Variants in WDR1 observed in about 807,000 individuals in gnomAD.
WDR1 encodes the protein WD repeat-containing protein 1.
WDR1 carries 21 observed loss-of-function variants against 71.9 expected under a neutral mutation model. The observed-to-expected ratio is 0.29, with a 90% CI of 0.21 to 0.42. The LOEUF (loss-of-function observed/expected upper bound fraction) is 0.42, where lower values mean the gene tolerates loss of function less well. WDR1 is among the 10% of genes least tolerant of loss of function. The pLI is 1.00. For synonymous variants in WDR1, 424 were observed against 347.4 expected (o/e 1.22, Z -2.45); for missense variants, 696 against 824.5 (o/e 0.84, Z 1.91).
intron 1 of WDR1, 185 bp from the exon 2 acceptor site, chr4:10,116,419 T>G: frequency 5.7e-6 from 5 of 883,810 alleles, no homozygotes; most frequent in East Asian, 3.9e-5. Context: ...GCCAGGCCCT[T>G]GGGGGCAGCG....
rs1251377909 is a variant in WDR1 at position 10,075,467 on chromosome 4, G to T, written c.1732C>A (p.His578Asn). Residue 578 changes from histidine to asparagine, a missense_variant, in exon 15 of 15, where the codon CAT becomes AAT. His to Asn is a moderately conservative substitution (Grantham distance 68, BLOSUM62 1). Coordinates refer to ENST00000499869, the MANE Select transcript of WDR1 (RefSeq NM_017491.5). ...VKIQDAHRLH[H>N]VSSLAWLDEH... ...TCCAGCCAGGCCAGGCTGCTGACAT[G>T]GTGCAGCCGGTGTGCATCTGGGAAG... 2 of 1,613,948 alleles carry T rather than the reference G, an allele frequency of 1.2e-6. No individual in the cohort carries two copies. Among genetic ancestry groups the T allele is most frequent in the Non-Finnish European group, 1.7e-6 (2 of 1,179,866 alleles).
At chr4:10,115,419 T>TG (rs780611337) in intron 2 of WDR1, among the ~76,000 whole-genome samples, 1 of 152,260 alleles carries the variant, frequency 6.6e-6, no homozygotes, top group Non-Finnish European at 1.5e-5. Flanking sequence ...CACTGCTTCC[T>TG]GTTTTTGCTT....
chr4:10,108,924 C>T (rs1329158818), intron 2 of WDR1, among the ~76,000 whole-genome samples: 3 of 152,236 alleles, frequency 2.0e-5, no homozygotes, highest in African/African-American at 7.2e-5. Context: ...TTGTGCCCCA[C>T]CTGCCTTCTG....
chr4:10,080,897 T>C (rs1764989475), intron 11 of WDR1, among the ~76,000 whole-genome samples: 1 of 152,234 alleles, frequency 6.6e-6, no homozygotes, highest in African/African-American at 2.4e-5. Context: ...GAGACTTACA[T>C]GTACTTCCTC....
At chr4:10,112,319 C>T (rs1009320027) in intron 2 of WDR1, among the ~76,000 whole-genome samples, 9 of 152,264 alleles carry the variant, frequency 5.9e-5, no homozygotes, top group Admixed American at 2.0e-4. Flanking sequence ...CTTAGACCCC[C>T]GAAGCACAGA....
intron 8 of WDR1, among the ~76,000 whole-genome samples, chr4:10,086,339 G>A (rs763223843): frequency 1.3e-5 from 2 of 152,186 alleles, no homozygotes; most frequent in Admixed American, 6.5e-5. Flanking sequence ...TCGAGGCCAC[G>A]TCTAGTGAAC....
chr4:10,101,337 C>A lies in WDR1; in HGVS notation c.230-2198G>T, dbSNP rs148823923. ...TAAAGATCCTGCAGAGGGCTGGGGC[C>A]AGCTGCCAGGCAACCCACTTAGTGG... On this transcript the variant is annotated intron_variant, in intron 3 of 14. Transcript: ENST00000499869. Among the ~76,000 whole-genome samples, 88 of 152,370 alleles carry A rather than the reference C, an allele frequency of 5.8e-4. 2 individuals are homozygous for A. In the East Asian group the frequency reaches 0.016, roughly 28 times the overall value.
intron 3 of WDR1, among the ~76,000 whole-genome samples, chr4:10,099,934 G>A (rs1330835014): frequency 6.6e-6 from 1 of 152,164 alleles, no homozygotes; most frequent in Non-Finnish European, 1.5e-5. Context: ...AACACCGGGG[G>A]CCACGTACCC....
intron 2 of WDR1, among the ~76,000 whole-genome samples, chr4:10,107,687 G>C (rs1052241222): frequency 6.6e-6 from 1 of 152,210 alleles, no homozygotes; most frequent in African/African-American, 2.4e-5. Flanking sequence ...GCTGGGGCTG[G>C]GATAAGACCT....
intron 2 of WDR1, among the ~76,000 whole-genome samples, chr4:10,111,197 T>C (rs1035941521): frequency 6.6e-6 from 1 of 152,182 alleles, no homozygotes; most frequent in African/African-American, 2.4e-5. Context: ...TGCGCTATGG[T>C]AGGGCTGTGT....
At chr4:10,105,389 C>T (rs1282059127) in intron 2 of WDR1, among the ~76,000 whole-genome samples, 1 of 152,182 alleles carries the variant, frequency 6.6e-6, no homozygotes, top group East Asian at 1.9e-4. Flanking sequence ...CTTAACACAG[C>T]ATTATGTGAT....
At chr4:10,103,440 A>G (rs1229306778) in intron 3 of WDR1, among the ~76,000 whole-genome samples, 3 of 152,144 alleles carry the variant, frequency 2.0e-5, no homozygotes, top group African/African-American at 7.2e-5. Context: ...ACTACAAACT[A>G]GAAAGTGTCC....
chr4:10,108,810 C>T lies in WDR1; in HGVS notation c.139-4824G>A, dbSNP rs77500083. Among the ~76,000 whole-genome samples the T allele has an allele frequency of 2.0e-5, 3 of 152,330 alleles. No individual in the cohort carries two copies. In the East Asian group the frequency reaches 5.8e-4, roughly 29 times the overall value. ...AGGGCTTCTCCTCCAAGCAGCCTTC[C>T]CTGATGCTCCAAGCTAGAAATCATC... On this transcript the variant is annotated intron_variant, in intron 2 of 14. Transcript: ENST00000499869.
chr4:10,100,897 C>T (rs1712644456), intron 3 of WDR1, among the ~76,000 whole-genome samples: 2 of 152,248 alleles, frequency 1.3e-5, no homozygotes, highest in African/African-American at 4.8e-5. Flanking sequence ...CATGTCCACA[C>T]ATGCACATGT....
chr4:10,081,387 C>T lies in WDR1; in HGVS notation c.1254G>A (p.Gly418=), dbSNP rs371404313. ...VQPKCVAVGP[G]GYAVVVCIGQ... ...CAATGCACACGACCACGGCGTATCC[C>T]CCGGGGCCGACGGCTACGCACTTTG... Residue 418 remains glycine (G), a synonymous_variant, in exon 11 of 15, where the codon GGG becomes GGA. Coordinates refer to ENST00000499869, the MANE Select transcript of WDR1 (RefSeq NM_017491.5). The T allele has an allele frequency of 3.7e-6, 6 of 1,613,950 alleles. No homozygotes were observed. The highest frequency in any genetic ancestry group is 1.1e-5 in the South Asian group (1 of 91,078).
rs192893054 is a variant in WDR1, at chr4:10,106,778, T to A, written c.139-2792A>T. On this transcript the variant is annotated intron_variant, in intron 2 of 14. Coordinates refer to ENST00000499869, the MANE Select transcript of WDR1 (RefSeq NM_017491.5). ...GGGTCAGCGGTGGGGGCTGAGATAC[T>A]CCAAACTGCAGATAATGACTTACAT... Among the ~76,000 whole-genome samples, 579 of 152,148 alleles carry A rather than the reference T, an allele frequency of 3.8e-3. 5 individuals are homozygous for A. Among genetic ancestry groups the A allele is most frequent in the Admixed American group, 0.012 (189 of 15,290 alleles).
At chr4:10,104,506 G>C (rs568286753) in intron 2 of WDR1, among the ~76,000 whole-genome samples, 63 of 152,304 alleles carry the variant, frequency 4.1e-4, no homozygotes, top group African/African-American at 1.3e-3. Context: ...AAAAACTTGG[G>C]TTTGGAAAGG....
rs1712434909 is a variant in WDR1 at position 10,097,740 on chromosome 4, G to A, written c.529C>T (p.Pro177Ser). The A allele has an allele frequency of 2.4e-5, 38 of 1,609,638 alleles. No homozygotes were observed. The highest frequency in any genetic ancestry group is 3.0e-5 in the Non-Finnish European group (35 of 1,177,842). Reference protein sequence around the residue: ...DDNCAAFFEGPPFKFKFTIGD... With the variant: ...DDNCAAFFEGSPFKFKFTIGD... Reference sequence around the variant, plus strand: ...ATTGTGAACTTGAACTTGAATGGGGGTCCCTCAAAGAATGCCGCGCAGTTA... The same window carrying A: ...ATTGTGAACTTGAACTTGAATGGGGATCCCTCAAAGAATGCCGCGCAGTTA... The change falls in exon 5 of 15, where the codon CCC becomes TCC. Residue 177 changes from proline to serine, a missense_variant. By Grantham distance (74) the Pro-to-Ser change is moderately conservative (BLOSUM62 -1). Coordinates refer to ENST00000499869, the MANE Select transcript of WDR1 (RefSeq NM_017491.5).
At chr4:10,075,834 A>C in intron 14 of WDR1, 1 of 359,448 alleles carries the variant, frequency 2.8e-6, no homozygotes, top group Non-Finnish European at 5.3e-6. Flanking sequence ...GATGACATGC[A>C]GACACCACAC....
Sources: gnomAD v4.1 joint callset for allele counts (sites outside exome capture counted in the v4.1 genomes callset) on GRCh38, gnomAD v4.1.1 for gene constraint, MANE v1.5 for transcripts, NCBI Gene and HGNC (gene_info 2026-07-23, HGNC 2026-07-21) for gene names.